DGKG: variants seen among roughly 807,000 people sequenced by gnomAD.
DGKG encodes the protein DAG kinase gamma.
DGKG carries 78 observed loss-of-function variants against 105.3 expected under a neutral mutation model. The ratio of observed to expected loss-of-function variants is 0.74; its 90% CI spans 0.62 to 0.89. DGKG has a LOEUF of 0.89. Ranked by LOEUF, DGKG falls within the 40% of genes least tolerant of loss-of-function variation. The pLI, the probability that DGKG is intolerant of heterozygous loss-of-function variation, is 0.00. For synonymous variants in DGKG, 346 were observed against 367.1 expected, an observed-to-expected ratio of 0.94 and a Z score of 0.66; for missense variants, 958 against 1,020.1, an observed-to-expected ratio of 0.94 and a Z score of 0.83.
At chr3:186,283,823 C>G (rs1722936553) in intron 7 of DGKG, among the ~76,000 whole-genome samples, 1 of 152,186 alleles carries the variant, frequency 6.6e-6, no homozygotes, top group Non-Finnish European at 1.5e-5. Flanking sequence ...ATAGAGGCAC[C>G]CTGGGGTTTA....
chr3:186,302,500 ATATATACATATG>A (rs1474727034), intron 3 of DGKG, among the ~76,000 whole-genome samples: 4 of 9,324 alleles, frequency 4.3e-4, no homozygotes, highest in African/African-American at 1.1e-3. Flanking sequence ...ATATATATAT[ATATATACATATG>A]TGTATATATA....
intron 19 of DGKG, among the ~76,000 whole-genome samples, chr3:186,250,154 C>G (rs962732308): frequency 4.6e-5 from 7 of 152,068 alleles, no homozygotes; most frequent in Non-Finnish European, 7.4e-5. Flanking sequence ...GTGAGATGAG[C>G]AGGATAATGA....
At chr3:186,184,901 G>C (rs1359670458) in intron 22 of DGKG, among the ~76,000 whole-genome samples, 1 of 152,046 alleles carries the variant, frequency 6.6e-6, no homozygotes, top group African/African-American at 2.4e-5. Context: ...TAAATCCCGG[G>C]ACAAAATACA....
At chr3:186,306,481 T>C (rs906716752) in intron 3 of DGKG, among the ~76,000 whole-genome samples, 12 of 151,812 alleles carry the variant, frequency 7.9e-5, no homozygotes, top group Admixed American at 4.6e-4. Flanking sequence ...GAGGATGGGG[T>C]TGAGTGCACA....
intron 1 of DGKG, among the ~76,000 whole-genome samples, chr3:186,356,426 A>G (rs901096950): frequency 6.6e-6 from 1 of 152,192 alleles, no homozygotes; most frequent in Non-Finnish European, 1.5e-5. Context: ...GGGTGTGGGC[A>G]AGTATCGGGT....
chr3:186,332,250 C>A (rs917995324), intron 1 of DGKG, among the ~76,000 whole-genome samples: 1 of 152,168 alleles, frequency 6.6e-6, no homozygotes, highest in Non-Finnish European at 1.5e-5. Flanking sequence ...GAATAGAATG[C>A]AAAATATCCA....
At chr3:186,313,109 C>T (rs997276096) in intron 2 of DGKG, among the ~76,000 whole-genome samples, 1 of 152,216 alleles carries the variant, frequency 6.6e-6, no homozygotes, top group African/African-American at 2.4e-5. Flanking sequence ...TAGTGGTTAT[C>T]AACCTTGGCT....
intron 10 of DGKG, among the ~76,000 whole-genome samples, chr3:186,273,347 C>T (rs1213711057): frequency 7.3e-6 from 1 of 136,444 alleles, no homozygotes; most frequent in Non-Finnish European, 1.6e-5. Flanking sequence ...TGAACTGGCG[C>T]TGGGGAGACT....
intron 3 of DGKG, among the ~76,000 whole-genome samples, chr3:186,299,823 T>TTCTTTCTTTCTTTCTTTC (rs1723810885): frequency 2.8e-5 from 3 of 108,398 alleles, no homozygotes; most frequent in Non-Finnish European, 4.0e-5. Context: ...CTTTCTTTCT[T>TTCTTTCTTTCTTTCTTTC]TCTTTCTTTC....
Position 186,211,840 on chromosome 3 carries a change from AG to A in DGKG, c.1871del (p.Thr624IlefsTer24), listed in dbSNP as rs768946569. The A allele has an allele frequency of 6.2e-7, 1 of 1,614,214 alleles. No homozygotes were observed. Among genetic ancestry groups the A allele is most frequent in the Non-Finnish European group, 8.5e-7 (1 of 1,180,046 alleles). Reference sequence around the variant, plus strand: ...GGAGTTTCTTGCAGGTCGCTGCAAAAGTCTCCGAGGTGCCAAATTCAAAGTA... The same window carrying A: ...GGAGTTTCTTGCAGGTCGCTGCAAAATCTCCGAGGTGCCAAATTCAAAGTA... ...LWYFEFGTSETFAATCKKLHD... is the reference protein window; with the variant it reads ...LWYFEFGTSEXFAATCKKLHD... On this transcript the variant is annotated frameshift_variant, in exon 21 of 25. Transcript: ENST00000265022. LOFTEE classifies it high-confidence loss of function.
intron 19 of DGKG, among the ~76,000 whole-genome samples, chr3:186,250,365 C>T (rs1721150531): frequency 6.6e-6 from 1 of 151,998 alleles, no homozygotes. Context: ...GAAGAAACAG[C>T]TAATGGATGC....
intron 22 of DGKG, among the ~76,000 whole-genome samples, chr3:186,186,654 T>C (rs1717651329): frequency 6.6e-6 from 1 of 152,232 alleles, no homozygotes; most frequent in Non-Finnish European, 1.5e-5. Flanking sequence ...TAGCAGGTCT[T>C]GGACTAGAAT....
Position 186,231,179 on chromosome 3 carries a change from T to A in DGKG, c.1826+11325A>T, listed in dbSNP as rs1374672723. 2.0e-5 allele frequency among the ~76,000 whole-genome samples: 3 copies of A among 152,202 alleles called. No individual in the cohort carries two copies. The highest frequency in any genetic ancestry group is 2.9e-5 in the Non-Finnish European group (2 of 68,040). On this transcript the variant is annotated intron_variant, in intron 20 of 24. Coordinates refer to ENST00000265022, the MANE Select transcript of DGKG (RefSeq NM_001346.3). This position sits in a 1 kb window ranked among gnomAD's most constrained non-coding sequence, Gnocchi z 4.5. ...ATTCCCAGTACGTTCTCTGTTTCTCTCCAGGAAAAGTGATTTTGGATAACT... is the reference window on the plus strand; with the variant it reads ...ATTCCCAGTACGTTCTCTGTTTCTCACCAGGAAAAGTGATTTTGGATAACT...
intron 3 of DGKG, among the ~76,000 whole-genome samples, chr3:186,302,562 A>C (rs1457991566): frequency 1.6e-5 from 1 of 61,474 alleles, no homozygotes; most frequent in African/African-American, 6.6e-5. Flanking sequence ...ATATATACAC[A>C]TATGTATATA....
At chr3:186,293,368 A>G (rs951528910) in intron 5 of DGKG, among the ~76,000 whole-genome samples, 1 of 152,112 alleles carries the variant, frequency 6.6e-6, no homozygotes, top group Non-Finnish European at 1.5e-5. Context: ...TGAGTGTATT[A>G]CTTTTATAAT....
intron 1 of DGKG, among the ~76,000 whole-genome samples, chr3:186,346,102 A>T (rs892208682): frequency 6.6e-6 from 1 of 152,150 alleles, no homozygotes; most frequent in African/African-American, 2.4e-5. Flanking sequence ...ACAAATTATT[A>T]GTTAGATGTC....
At chr3:186,183,568 C>G (rs1358923565) in intron 22 of DGKG, among the ~76,000 whole-genome samples, 2 of 152,056 alleles carry the variant, frequency 1.3e-5, no homozygotes, top group African/African-American at 2.4e-5. Context: ...TAACAACCAG[C>G]CTCCATCCTT....
chr3:186,181,310 C>A (rs1717347260), intron 22 of DGKG, among the ~76,000 whole-genome samples: 1 of 152,186 alleles, frequency 6.6e-6, no homozygotes, highest in Admixed American at 6.5e-5. Flanking sequence ...GAAGCCTGTC[C>A]CCACTGCTGG....
chr3:186,150,031 G>T lies in DGKG; in HGVS notation c.*59C>A. 6.4e-7 allele frequency: 1 copy of T among 1,567,882 alleles called. No individual in the cohort carries two copies. The highest frequency in any genetic ancestry group is 8.7e-7 in the Non-Finnish European group (1 of 1,155,266). ...GTGAGTGTGCACATAAATTGTGTGT[G>T]AGTGTGCATTATAGTTTCTTGCTTT... On this transcript the variant is annotated 3_prime_UTR_variant, in exon 25 of 25. Transcript: ENST00000265022.
Sources: allele counts gnomAD v4.1 joint callset (sites outside exome capture counted in the v4.1 genomes callset), GRCh38; gene constraint gnomAD v4.1.1; non-coding constraint Gnocchi (gnomAD v3.1); transcripts MANE v1.5; gene names NCBI Gene and HGNC (gene_info 2026-07-23, HGNC 2026-07-21).